The following ORC3 variants were observed in gnomAD, a reference collection of about 807,000 sequenced individuals.
The protein encoded by ORC3 is homolog of latheo, Drosophila.
In ORC3, 78 loss-of-function variants were observed where a neutral mutation model predicts 100.7. That is an observed-to-expected ratio of 0.77 (90% CI 0.65 to 0.94). The LOEUF (loss-of-function observed/expected upper bound fraction) is 0.94, where lower values mean the gene tolerates loss of function less well. Among genes scored for constraint, ORC3 ranks in the 40% least tolerant of loss-of-function variants. The probability of loss-of-function intolerance (pLI) is 0.00; values close to 1 mark genes in which losing one functional copy is unlikely to be tolerated. For synonymous variants in ORC3, 295 were observed against 289.3 expected, an observed-to-expected ratio of 1.02 and a Z score of -0.20; for missense variants, 789 against 823.9, an observed-to-expected ratio of 0.96 and a Z score of 0.52.
intron 13 of ORC3, among the ~76,000 whole-genome samples, chr6:87,646,436 A>G (rs1340811661): frequency 6.6e-6 from 1 of 151,900 alleles, no homozygotes; most frequent in African/African-American, 2.4e-5. Context: ...TTTCTTTACA[A>G]TTTTATTCTC....
At chr6:87,617,097 C>T (rs1779212240) in intron 9 of ORC3, among the ~76,000 whole-genome samples, 1 of 152,154 alleles carries the variant, frequency 6.6e-6, no homozygotes, top group African/African-American at 2.4e-5. Context: ...ACGCCCAGCC[C>T]ATTTTTAGCT....
intron 8 of ORC3, among the ~76,000 whole-genome samples, chr6:87,615,713 A>T (rs1186059136): frequency 2.0e-5 from 3 of 152,174 alleles, no homozygotes; most frequent in Non-Finnish European, 4.4e-5. Flanking sequence ...GAAAACAAAA[A>T]ACTTGGTTAT....
downstream of ORC3, among the ~76,000 whole-genome samples, chr6:87,671,843 T>C (rs1770839223): frequency 6.6e-6 from 1 of 152,170 alleles, no homozygotes; most frequent in African/African-American, 2.4e-5. Context: ...GTGTCCAAAC[T>C]TAACAGCCTG....
chr6:87,621,867 G>T, intron 10 of ORC3, 83 bp from the exon 11 acceptor site: 1 of 901,954 alleles, frequency 1.1e-6, no homozygotes, highest in Non-Finnish European at 1.8e-6. Context: ...ACCAATCTAG[G>T]TAGTTCTTTT....
intron 13 of ORC3, among the ~76,000 whole-genome samples, chr6:87,642,922 A>T (rs925796051): frequency 6.9e-5 from 9 of 130,546 alleles, no homozygotes; most frequent in Non-Finnish European, 1.4e-4. Context: ...AATAAATAAA[A>T]AATAAAAATA....
chr6:87,637,618 T>G (rs1767927247), intron 13 of ORC3, among the ~76,000 whole-genome samples: 1 of 152,224 alleles, frequency 6.6e-6, no homozygotes, highest in Non-Finnish European at 1.5e-5. Flanking sequence ...TTTCAGGTTT[T>G]TCTCTTTTAA....
At chr6:87,598,188 A>G (rs1777608646) in intron 2 of ORC3, among the ~76,000 whole-genome samples, 1 of 151,704 alleles carries the variant, frequency 6.6e-6, no homozygotes, top group Non-Finnish European at 1.5e-5. Flanking sequence ...CTTGCTTGCT[A>G]ATTTATTTAT....
chr6:87,613,081 A>G (rs1778897673), intron 8 of ORC3, among the ~76,000 whole-genome samples: 1 of 152,330 alleles, frequency 6.6e-6, no homozygotes, highest in South Asian at 2.1e-4. Flanking sequence ...TATTGACTGT[A>G]TTAGTCTGTT....
intron 11 of ORC3, among the ~76,000 whole-genome samples, chr6:87,627,826 A>C (rs1250698098): frequency 6.6e-6 from 1 of 152,150 alleles, no homozygotes; most frequent in African/African-American, 2.4e-5. Context: ...ACCACACTTC[A>C]AGAACTACTA....
At chr6:87,676,424 CCACTG>C in the ORC3 span, among the ~76,000 whole-genome samples, 23 of 127,426 alleles carry the variant, frequency 1.8e-4, no homozygotes, top group African/African-American at 7.2e-4. Flanking sequence ...CAAGAACGCG[CCACTG>C]CACTCCAGCC....
intron 16 of ORC3, among the ~76,000 whole-genome samples, chr6:87,659,022 C>CGGG (rs146544093): frequency 3.3e-4 from 13 of 39,506 alleles, no homozygotes; most frequent in African/African-American, 1.1e-3. Context: ...AAAAGTGGGG[C>CGGG]GGGGGGGGGA....
chr6:87,617,024 C>T (rs1378796578), intron 9 of ORC3, among the ~76,000 whole-genome samples: 1 of 152,168 alleles, frequency 6.6e-6, no homozygotes, highest in Non-Finnish European at 1.5e-5. Context: ...TCTCGAACTC[C>T]TGACCTCAGG....
intron 9 of ORC3, among the ~76,000 whole-genome samples, chr6:87,616,931 G>A (rs1779199415): frequency 6.6e-6 from 1 of 152,058 alleles, no homozygotes; most frequent in Non-Finnish European, 1.5e-5. Context: ...CCATGTAGCT[G>A]GGATTACAGG....
rs1321373841 is a variant in ORC3, at chr6:87,621,502, A to G, written c.1121+15A>G. On this transcript the variant is annotated intron_variant, in intron 10 of 19. Transcript: ENST00000392844. ...TCTTTTAGGAGGTAAAAAGAGAAGT[A>G]CATGTTTAACACATACTATACTAGA... 1 of 1,554,468 alleles carries G rather than the reference A, an allele frequency of 6.4e-7. No homozygotes were observed.
intron 2 of ORC3, among the ~76,000 whole-genome samples, chr6:87,600,803 G>GTATT (rs10635276): frequency 0.61 from 92,113 of 151,596 alleles, 28,775 homozygotes; most frequent in African/African-American, 0.75. Flanking sequence ...TGGACTATGA[G>GTATT]TATAAAACAG....
chr6:87,618,638 A>G (rs1445755046), intron 9 of ORC3, among the ~76,000 whole-genome samples: 3 of 152,208 alleles, frequency 2.0e-5, no homozygotes, highest in South Asian at 2.1e-4. Context: ...ATGCTATTGC[A>G]GTAATCTAGA....
At chr6:87,618,296 G>A (rs1256721433) in intron 9 of ORC3, among the ~76,000 whole-genome samples, 2 of 152,116 alleles carry the variant, frequency 1.3e-5, no homozygotes, top group African/African-American at 4.8e-5. Context: ...TCTAATCCCA[G>A]CTACTTGGGG....
At chr6:87,664,927 T>G (rs1447165433) in intron 18 of ORC3, 68 bp downstream of exon 18, 9 of 900,568 alleles carry the variant, frequency 1.0e-5, no homozygotes, top group Non-Finnish European at 1.6e-5. Context: ...CTCAGAATAG[T>G]TTTATACTTT....
chr6:87,635,758 C>G (rs1250108620), intron 12 of ORC3, among the ~76,000 whole-genome samples: 1 of 151,842 alleles, frequency 6.6e-6, no homozygotes, highest in Non-Finnish European at 1.5e-5. Context: ...GATCACTGCA[C>G]TCCAGCCTGG....
Sources: gnomAD v4.1 joint callset for allele counts (sites outside exome capture counted in the v4.1 genomes callset) on GRCh38, gnomAD v4.1.1 for gene constraint, MANE v1.5 for transcripts, NCBI Gene and HGNC (gene_info 2026-07-23, HGNC 2026-07-21) for gene names.